The following TMPRSS6 variants were observed in gnomAD, a reference collection of about 807,000 sequenced individuals.
The protein encoded by TMPRSS6 is transmembrane serine protease 6, also known as transmembrane protease serine 6.
In TMPRSS6, 67 loss-of-function variants were observed where a neutral mutation model predicts 101.5. The ratio of observed to expected loss-of-function variants is 0.66; its 90% CI spans 0.54 to 0.81. The LOEUF is 0.81. Among genes scored for constraint, TMPRSS6 ranks in the 30% least tolerant of loss-of-function variants. The pLI, the probability that TMPRSS6 is intolerant of heterozygous loss-of-function variation, is 0.00. For missense variants in TMPRSS6, 1,034 were observed against 1,088.7 expected (o/e 0.95, Z 0.71); for synonymous variants, 453 against 464.9 (o/e 0.97, Z 0.33).
intron 6 of TMPRSS6, among the ~76,000 whole-genome samples, chr22:37,093,032 C>T (rs891823715): frequency 6.6e-6 from 1 of 152,208 alleles, no homozygotes; most frequent in Admixed American, 6.5e-5. Context: ...TAAAGCTCCT[C>T]CGAGGGCAGG....
intron 2 of TMPRSS6, 102 bp from the exon 3 acceptor site, chr22:37,098,651 C>T: frequency 6.5e-7 from 1 of 1,546,366 alleles, no homozygotes; most frequent in South Asian, 1.1e-5. Context: ...AGCTCAGCCT[C>T]AGTGTCTTGG....
intron 10 of TMPRSS6, among the ~76,000 whole-genome samples, chr22:37,077,769 A>G (rs1276340808): frequency 1.3e-5 from 2 of 152,272 alleles, no homozygotes; most frequent in African/African-American, 2.4e-5. Context: ...TAATTATATT[A>G]AAAGAATTAA....
chr22:37,092,199 C>G (rs994637124), intron 6 of TMPRSS6, among the ~76,000 whole-genome samples: 3 of 151,776 alleles, frequency 2.0e-5, no homozygotes, highest in African/African-American at 7.3e-5. Flanking sequence ...GAGGAATTAA[C>G]TGAACACGCC....
chr22:37,096,563 A>G (rs1569022102), intron 4 of TMPRSS6, 85 bp downstream of exon 4: 2 of 1,415,710 alleles, frequency 1.4e-6, no homozygotes, highest in African/African-American at 1.4e-5. Flanking sequence ...ACATGAAGGC[A>G]TTGCATCAGA....
Position 37,096,663 on chromosome 22 carries a change from G to T in TMPRSS6, c.389C>A (p.Ser130Tyr). 6.4e-7 allele frequency: 1 copy of T among 1,565,174 alleles called. No individual in the cohort carries two copies. Among genetic ancestry groups the T allele is most frequent in the East Asian group, 2.3e-5 (1 of 42,782 alleles). Residue 130 changes from serine to tyrosine, a missense_variant, in exon 4 of 18, where the codon TCC becomes TAC. Transcript: ENST00000676104. ...GACAACTCACCCAAAGGAATAGACG[G>T]AGCTGGAGTTGTAGTAAGTTCCCAG... ...TRLGTYYNSS[S>Y]VYSFGEGPLT...
chr22:37,070,679 G>A (rs1322456571), intron 14 of TMPRSS6, 27 bp from the exon 15 acceptor site: 10 of 1,607,442 alleles, frequency 6.2e-6, no homozygotes, highest in African/African-American at 1.3e-5. Context: ...GTGGTGGGGT[G>A]GACAGAGGAG....
chr22:37,096,403 A>C (rs995957494), intron 4 of TMPRSS6, among the ~76,000 whole-genome samples: 1 of 152,144 alleles, frequency 6.6e-6, no homozygotes, highest in Admixed American at 6.5e-5. Context: ...GCCTCGCCTG[A>C]TGGTGTCAGG....
chr22:37,069,146 C>T lies in TMPRSS6; in HGVS notation c.2040G>A (p.Leu680=). 6.4e-7 allele frequency: 1 copy of T among 1,574,528 alleles called. No individual in the cohort carries two copies. The highest frequency in any genetic ancestry group is 8.6e-7 in the Non-Finnish European group (1 of 1,161,586). The part of the protein sequence containing the change: ...VRSAAVRPVC[L]PARSHFFEPG... ...GCTCGAAGAAGTGGGAGCGCGCGGG[C>T]AGGCAGACGGGGCGCACGGCGGCCG... The change falls in exon 16 of 18, where the codon CTG becomes CTA. Residue 680 remains leucine, a synonymous_variant. Transcript: ENST00000676104. The surrounding 1 kb of genome is among the most constrained non-coding windows in gnomAD (Gnocchi z 4.8).
At chr22:37,095,672 T>C in intron 5 of TMPRSS6, 80 bp from the exon 6 acceptor site, 1 of 1,435,876 alleles carries the variant, frequency 7.0e-7, no homozygotes. Flanking sequence ...AAAATAAAAT[T>C]AGAGGAGACC....
rs1366583768 is a variant in TMPRSS6, at chr22:37,078,985, G to GAAAGAAAGAAAGAAAGAA, written c.1197-3723_1197-3706dup. 1.1e-4 allele frequency among the ~76,000 whole-genome samples: 16 copies of GAAAGAAAGAAAGAAAGAA among 147,876 alleles called. No homozygotes were observed. In the East Asian group the frequency reaches 1.2e-3, roughly 11 times the overall value. On this transcript the variant is annotated intron_variant, in intron 10 of 17. Coordinates refer to ENST00000676104, the MANE Select transcript of TMPRSS6 (RefSeq NM_001374504.1). ...AAAGAAAGAAAGAAAAAGAAAGAAAGAAAGAAAGAAAGAAAGAAAGAAAGA... is the reference window on the plus strand; with the variant it reads ...AAAGAAAGAAAGAAAAAGAAAGAAAGAAAGAAAGAAAGAAAGAAAAAGAAAGAAAGAAAGAAAGAAAGA...
Position 37,086,408 on chromosome 22 carries a change from C to A in TMPRSS6, c.848G>T (p.Cys283Phe). ...EKRLITSVYG[C>F]SRQEPVVEVL... ...CTCCACCACGGGCTCCTGGCGGCTG[C>A]AGCCGTACACCCTGGCAGAACAGAA... The change falls in exon 8 of 18, where the codon TGC becomes TTC. Residue 283 changes from cysteine (C) to phenylalanine (F), a missense_variant. Transcript: ENST00000676104. 1.3e-6 allele frequency: 2 copies of A among 1,588,474 alleles called. No homozygotes were observed. Among genetic ancestry groups the A allele is most frequent in the Non-Finnish European group, 1.7e-6 (2 of 1,167,440 alleles).
In TMPRSS6 at chr22:37,103,174, G is replaced by A; in HGVS notation, c.202+42C>T. On this transcript the variant is annotated intron_variant, in intron 2 of 17. Transcript: ENST00000676104. This position sits in a 1 kb window ranked among gnomAD's most constrained non-coding sequence, Gnocchi z 4.4. ...GCTGTGCCTGCTACAGTCACCCCAAGTCCTCCCCAGGTGCCTCTCCCAGGC... is the reference window on the plus strand; with the variant it reads ...GCTGTGCCTGCTACAGTCACCCCAAATCCTCCCCAGGTGCCTCTCCCAGGC... 1 of 1,605,018 alleles carries A rather than the reference G, an allele frequency of 6.2e-7. No individual in the cohort carries two copies. The highest frequency in any genetic ancestry group is 1.1e-5 in the South Asian group (1 of 90,892).
In TMPRSS6 at chr22:37,089,837, C is replaced by G. The variant is rs1929102810; in HGVS notation, c.632-55G>C. On this transcript the variant is annotated intron_variant, in intron 6 of 17. Transcript: ENST00000676104. ...ATTCCTGTGAGCCAGAAGGAGGGGA[C>G]CCTGGGGAGCCAGGTCCCTCAAGGT... 47 of 1,558,594 alleles carry G rather than the reference C, an allele frequency of 3.0e-5. No homozygotes were observed. The South Asian group carries it at 5.0e-4, about 16-fold the overall frequency.
chr22:37,075,127 A>C lies in TMPRSS6; in HGVS notation c.1342+8T>G. On this transcript the variant is annotated splice_region_variant and intron_variant, in intron 11 of 17. Coordinates refer to ENST00000676104, the MANE Select transcript of TMPRSS6 (RefSeq NM_001374504.1). Reference sequence around the variant, plus strand: ...CTGCAGGGGGTTCCCCCGGCTGCCCATACTCACGGTCCGACTGGTTGTACA... The same window carrying C: ...CTGCAGGGGGTTCCCCCGGCTGCCCCTACTCACGGTCCGACTGGTTGTACA... 1 of 1,613,676 alleles carries C rather than the reference A, an allele frequency of 6.2e-7. No individual in the cohort carries two copies. Among genetic ancestry groups the C allele is most frequent in the Non-Finnish European group, 8.5e-7 (1 of 1,180,016 alleles).
At chr22:37,102,019 C>A (rs1930358860) in intron 2 of TMPRSS6, among the ~76,000 whole-genome samples, 1 of 148,118 alleles carries the variant, frequency 6.8e-6, no homozygotes, top group Non-Finnish European at 1.5e-5. Context: ...AATAGTGTCA[C>A]TCCCAGATGC....
rs150069150 is a variant in TMPRSS6 at position 37,103,336 on chromosome 22, A to G, written c.82T>C (p.Phe28Leu). The G allele has an allele frequency of 3.7e-6, 6 of 1,614,026 alleles. No homozygotes were observed. In the African/African-American group the frequency reaches 8.0e-5, roughly 22 times the overall value. Reference protein sequence around the residue: ...DGEEAEPEGMFKACEDSKRKA... With the variant: ...DGEEAEPEGMLKACEDSKRKA... Reference sequence around the variant, plus strand: ...CTCTTGGAGTCCTCACAGGCCTTGAACATCCCCTCCGGCTCCGCTTCCTCG... The same window carrying G: ...CTCTTGGAGTCCTCACAGGCCTTGAGCATCCCCTCCGGCTCCGCTTCCTCG... Residue 28 changes from phenylalanine to leucine, a missense_variant, in exon 2 of 18, where the codon TTC becomes CTC. Physicochemically the swap from Phe to Leu is conservative, Grantham distance 22. Transcript: ENST00000676104. The surrounding 1 kb of genome is among the most constrained non-coding windows in gnomAD (Gnocchi z 4.4).
rs758310014 is a variant in TMPRSS6 at position 37,103,256 on chromosome 22, G to T, written c.162C>A (p.Leu54=). 1.2e-6 allele frequency: 2 copies of T among 1,613,950 alleles called. No homozygotes were observed. The highest frequency in any genetic ancestry group is 2.7e-5 in the African/African-American group (2 of 74,924). The part of the protein sequence containing the change: ...LVPLFVLLAL[L]VLASAGVLLW... ...GTAGCACCCCCGCCGAAGCCAGCAC[G>T]AGCAGGGCCAGCAGCACAAACAGGG... Residue 54 remains leucine, a synonymous_variant, in exon 2 of 18, where the codon CTC becomes CTA. Transcript: ENST00000676104. This position sits in a 1 kb window ranked among gnomAD's most constrained non-coding sequence, Gnocchi z 4.4.
At chr22:37,078,305 G>A (rs1046443882) in intron 10 of TMPRSS6, among the ~76,000 whole-genome samples, 2 of 152,188 alleles carry the variant, frequency 1.3e-5, no homozygotes, top group East Asian at 3.8e-4. Flanking sequence ...CAAGCCTTGG[G>A]CAGGGGCTGT....
chr22:37,073,476 A>C (rs1003287480), intron 13 of TMPRSS6, 56 bp downstream of exon 13: 6 of 1,207,134 alleles, frequency 5.0e-6, no homozygotes, highest in Non-Finnish European at 7.4e-6. Flanking sequence ...TGAAGCATGT[A>C]GCAGGCCTAG....
Sources: allele counts gnomAD v4.1 joint callset (sites outside exome capture counted in the v4.1 genomes callset), GRCh38; gene constraint gnomAD v4.1.1; non-coding constraint Gnocchi (gnomAD v3.1); transcripts MANE v1.5; gene names NCBI Gene and HGNC (gene_info 2026-07-23, HGNC 2026-07-21).